Variants in ATP11A observed in about 807,000 individuals in gnomAD.
ATP11A encodes phospholipid-transporting ATPase IH.
Under a neutral mutation model 154.4 loss-of-function variants are expected in ATP11A, and 81 were observed. The ratio of observed to expected loss-of-function variants is 0.52; its 90% CI spans 0.44 to 0.63. The LOEUF is 0.63. Among genes scored for constraint, ATP11A ranks in the 30% least tolerant of loss-of-function variants. The pLI, the probability that ATP11A is intolerant of heterozygous loss-of-function variation, is 0.00. For missense variants in ATP11A, 1,316 were observed against 1,474.3 expected, an observed-to-expected ratio of 0.89 and a Z score of 1.76; for synonymous variants, 623 against 585.9, an observed-to-expected ratio of 1.06 and a Z score of -0.91.
rs1293716680 is a variant in ATP11A at position 112,753,373 on chromosome 13, T to A, written c.40-31762T>A. On this transcript the variant is annotated intron_variant, in intron 1 of 29. Coordinates refer to ENST00000375645, the MANE Select transcript of ATP11A (RefSeq NM_015205.3). This position sits in a 1 kb window ranked among gnomAD's most constrained non-coding sequence, Gnocchi z 4.1. ...GATCGCTTTGGAGAAGGGAGATTTC[T>A]GAGAAGGGGGGTACGTTTGCGGTTT... Among the ~76,000 whole-genome samples, 2 of 152,240 alleles carry A rather than the reference T, an allele frequency of 1.3e-5. No homozygotes were observed. Among genetic ancestry groups the A allele is most frequent in the African/African-American group, 2.4e-5 (1 of 41,466 alleles).
intron 1 of ATP11A, among the ~76,000 whole-genome samples, chr13:112,701,936 A>T (rs1013522196): frequency 2.0e-5 from 3 of 152,038 alleles, no homozygotes; most frequent in Non-Finnish European, 4.4e-5. Context: ...CATCCTGTGG[A>T]TGGGGCCTGC....
At chr13:112,705,173 C>A (rs1308887823) in intron 1 of ATP11A, among the ~76,000 whole-genome samples, 1 of 152,178 alleles carries the variant, frequency 6.6e-6, no homozygotes, top group Non-Finnish European at 1.5e-5. Context: ...AATCTGAAAG[C>A]AACATGTAAA....
chr13:112,832,294 G>A (rs1246139992), intron 13 of ATP11A, among the ~76,000 whole-genome samples: 1 of 152,222 alleles, frequency 6.6e-6, no homozygotes, highest in East Asian at 1.9e-4. Context: ...GTGGCCCTGA[G>A]CACATCACTT....
chr13:112,784,905 G>A (rs553360649), intron 1 of ATP11A, among the ~76,000 whole-genome samples: 3 of 152,174 alleles, frequency 2.0e-5, no homozygotes, highest in African/African-American at 7.2e-5. Context: ...TCACAGGAGC[G>A]CAGACCCTCC....
At chr13:112,815,947 C>G in intron 5 of ATP11A, 136 bp from the exon 6 acceptor site, 1 of 1,256,746 alleles carries the variant, frequency 8.0e-7, no homozygotes, top group Non-Finnish European at 1.1e-6. Context: ...TGGCAAGAGT[C>G]TTTTCCTGAA....
rs1237339591 is a variant in ATP11A at position 112,696,265 on chromosome 13, G to C, written c.39+5810G>C. On this transcript the variant is annotated intron_variant, in intron 1 of 29. Transcript: ENST00000375645. The surrounding 1 kb of genome is among the most constrained non-coding windows in gnomAD (Gnocchi z 6.2). ...GCTGCATCACCGTCCATGCTTCTGG[G>C]CTTCTTAAGGAGACCGCCTCTCACC... Among the ~76,000 whole-genome samples the C allele has an allele frequency of 1.3e-5, 2 of 152,218 alleles. No individual in the cohort carries two copies. Among genetic ancestry groups the C allele is most frequent in the African/African-American group, 2.4e-5 (1 of 41,458 alleles).
chr13:112,844,802 G>GTCCAGTTGCCGGGCGCTAGCA (rs2079532386), intron 17 of ATP11A, among the ~76,000 whole-genome samples: 3 of 131,438 alleles, frequency 2.3e-5, no homozygotes, highest in African/African-American at 1.1e-4. Context: ...GGGTGTTAGT[G>GTCCAGTTGCCGGGCGCTAGCA]GTACTAACCA....
intron 12 of ATP11A, among the ~76,000 whole-genome samples, chr13:112,828,029 T>A (rs2078977046): frequency 6.6e-6 from 1 of 152,226 alleles, no homozygotes; most frequent in Non-Finnish European, 1.5e-5. Context: ...TTCTGATAAA[T>A]TCTTTGGGAA....
At chr13:112,752,421 T>A (rs2076715276) in intron 1 of ATP11A, among the ~76,000 whole-genome samples, 1 of 152,120 alleles carries the variant, frequency 6.6e-6, no homozygotes, top group African/African-American at 2.4e-5. Context: ...AGAGTGCAGC[T>A]CAGGAGAATC....
chr13:112,846,131 A>G (rs1286358577), intron 17 of ATP11A, among the ~76,000 whole-genome samples: 2 of 151,990 alleles, frequency 1.3e-5, no homozygotes, highest in Non-Finnish European at 2.9e-5. Flanking sequence ...TCGTGATGGG[A>G]TGCCTTGGTG....
In ATP11A at chr13:112,883,924, A is replaced by G. The variant is rs2080935740; in HGVS notation, c.*2058A>G. ...TCAGTTAACAAATTATTTGTAATGT[A>G]TTTTTTTAGAAATCTTAAAATTGCC... On this transcript the variant is annotated 3_prime_UTR_variant, in exon 30 of 30. Transcript: ENST00000375645. The G allele has an allele frequency of 6.6e-6, 1 of 152,580 alleles. No individual in the cohort carries two copies. Among genetic ancestry groups the G allele is most frequent in the East Asian group, 1.9e-4 (1 of 5,198 alleles). 9.5% of individuals were successfully genotyped at this position (152,580 alleles called of 1,614,324 possible).
intron 9 of ATP11A, 38 bp downstream of exon 9, chr13:112,823,447 A>G (rs1193524234): frequency 2.0e-6 from 3 of 1,515,940 alleles, no homozygotes; most frequent in Non-Finnish European, 2.7e-6. Flanking sequence ...TGCCCCTAAC[A>G]TTAAGGATGC....
intron 1 of ATP11A, among the ~76,000 whole-genome samples, chr13:112,739,653 A>G (rs1164341671): frequency 6.6e-6 from 1 of 152,242 alleles, no homozygotes; most frequent in Non-Finnish European, 1.5e-5. Flanking sequence ...ACGCGTCCAC[A>G]CGGAAACTTT....
chr13:112,873,479 T>C lies in ATP11A; in HGVS notation c.3058-94T>C, dbSNP rs992695415. ...TTGCTGGGTCTTGCGTTTGGTTTAG[T>C]TTCTCGTCACCCCCCGGCTCTCTGT... On this transcript the variant is annotated intron_variant, in intron 26 of 29. Coordinates refer to ENST00000375645, the MANE Select transcript of ATP11A (RefSeq NM_015205.3). The C allele has an allele frequency of 1.8e-5, 17 of 959,542 alleles. 1 individual carries two copies. Among genetic ancestry groups the C allele is most frequent in the Non-Finnish European group, 2.4e-5 (16 of 655,424 alleles). 59.4% of individuals were successfully genotyped at this position (959,542 alleles called of 1,614,324 possible).
Position 112,883,438 on chromosome 13 carries a change from C to T in ATP11A, c.*1572C>T. 1 of 376,594 alleles carries T rather than the reference C, an allele frequency of 2.7e-6. No homozygotes were observed. Among genetic ancestry groups the T allele is most frequent in the Non-Finnish European group, 4.7e-6 (1 of 212,458 alleles). The allele number at this position is 376,594 out of a possible 1,614,324, so 23.3% of individuals were successfully genotyped here. ...GAGGAGGAGCCGGCCCTCACGCCCG[C>T]CCCGCGCCACGCTGTGGAACGGGGC... On this transcript the variant is annotated 3_prime_UTR_variant, in exon 30 of 30. Coordinates refer to ENST00000375645, the MANE Select transcript of ATP11A (RefSeq NM_015205.3).
At chr13:112,861,037 G>C (rs1566584596) in intron 24 of ATP11A, among the ~76,000 whole-genome samples, 1 of 152,190 alleles carries the variant, frequency 6.6e-6, no homozygotes, top group Non-Finnish European at 1.5e-5. Flanking sequence ...GGCTGGGGAG[G>C]CCTCACAATC....
chr13:112,857,827 T>A lies in ATP11A; in HGVS notation c.2428T>A (p.Leu810Ile), dbSNP rs2079974436. 6.2e-7 allele frequency: 1 copy of A among 1,613,556 alleles called. No homozygotes were observed. The highest frequency in any genetic ancestry group is 8.5e-7 in the Non-Finnish European group (1 of 1,179,450). ...APLQKAQIVK[L>I]IKFSKEHPIT... ...TTTCTTTCTTTTGCAGATTGTTAAA[T>A]TAATCAAATTTTCAAAAGAGCACCC... Residue 810 changes from leucine (L) to isoleucine (I), a missense_variant, in exon 21 of 30, where the codon TTA becomes ATA. Transcript: ENST00000375645.
intron 1 of ATP11A, among the ~76,000 whole-genome samples, chr13:112,713,710 C>T (rs998099617): frequency 2.6e-5 from 4 of 152,088 alleles, no homozygotes; most frequent in Non-Finnish European, 4.4e-5. Context: ...ACATTCTGGC[C>T]GTTTAATCTT....
At chr13:112,845,790 GTTT>G (rs2079583680) in intron 17 of ATP11A, among the ~76,000 whole-genome samples, 1 of 86,064 alleles carries the variant, frequency 1.2e-5, no homozygotes, top group African/African-American at 5.5e-5. Context: ...AACCAGTCCA[GTTT>G]CCAGGCACTA....
Sources: gnomAD v4.1 joint callset for allele counts (sites outside exome capture counted in the v4.1 genomes callset) on GRCh38, gnomAD v4.1.1 for gene constraint, Gnocchi (gnomAD v3.1) non-coding constraint, MANE v1.5 for transcripts, NCBI Gene and HGNC (gene_info 2026-07-23, HGNC 2026-07-21) for gene names.